Variants in FMN1 observed in about 807,000 individuals in gnomAD.
FMN1 encodes formin 1, also known as formin-1.
A neutral mutation model predicts 132.4 loss-of-function variants in FMN1; 110 were observed. The observed-to-expected ratio is 0.83, with a 90% CI of 0.71 to 0.97. The LOEUF is 0.97. Ranked by LOEUF, FMN1 falls within the 50% of genes least tolerant of loss-of-function variation. The pLI, the probability that FMN1 is intolerant of heterozygous loss-of-function variation, is 0.00. For synonymous variants in FMN1, 722 were observed against 651.7 expected (o/e 1.11, Z -1.64); for missense variants, 1,792 against 1,705.3 (o/e 1.05, Z -0.90).
At chr15:32,947,592 A>C (rs2061536519) in intron 9 of FMN1, among the ~76,000 whole-genome samples, 1 of 152,040 alleles carries the variant, frequency 6.6e-6, no homozygotes, top group Admixed American at 6.6e-5. Context: ...TTGAAACTAG[A>C]AATTTGGGAA....
intron 7 of FMN1, among the ~76,000 whole-genome samples, chr15:32,978,824 C>A (rs563232405): frequency 1.2e-4 from 19 of 152,154 alleles, no homozygotes; most frequent in Non-Finnish European, 2.5e-4. Flanking sequence ...AACCATGATG[C>A]GGATTCCTCA....
intron 9 of FMN1, among the ~76,000 whole-genome samples, chr15:32,957,661 A>G (rs988591635): frequency 4.0e-4 from 61 of 152,322 alleles, no homozygotes; most frequent in Middle Eastern, 3.4e-3. Context: ...AAGATGTTTA[A>G]GAATTTCTTT....
intron 18 of FMN1, among the ~76,000 whole-genome samples, chr15:32,803,835 G>A (rs1173202264): frequency 6.6e-6 from 1 of 152,216 alleles, no homozygotes; most frequent in African/African-American, 2.4e-5. Flanking sequence ...ACACGCATGT[G>A]AGGCAGGTGA....
At chr15:32,965,745 A>T (rs894166607) in intron 8 of FMN1, among the ~76,000 whole-genome samples, 1 of 152,158 alleles carries the variant, frequency 6.6e-6, no homozygotes, top group Non-Finnish European at 1.5e-5. Flanking sequence ...TTATTTTTTA[A>T]ATTATGATTT....
intron 17 of FMN1, among the ~76,000 whole-genome samples, chr15:32,846,007 T>C (rs1037478346): frequency 6.6e-6 from 1 of 150,872 alleles, no homozygotes; most frequent in Admixed American, 6.6e-5. Flanking sequence ...CAAAATCACA[T>C]AGAAAGGTTA....
chr15:33,047,687 G>A (rs1374594490), intron 6 of FMN1, among the ~76,000 whole-genome samples: 1 of 152,306 alleles, frequency 6.6e-6, no homozygotes, highest in East Asian at 1.9e-4. Context: ...TGACTTTGAA[G>A]ACTCCCATGG....
chr15:33,151,310 G>C, intron 4 of FMN1: 1 of 1,536,442 alleles, frequency 6.5e-7, no homozygotes, highest in Non-Finnish European at 8.7e-7. Context: ...TATAAGGTTA[G>C]AAGCACAGGA....
intron 17 of FMN1, among the ~76,000 whole-genome samples, chr15:32,827,845 A>G (rs1210630988): frequency 1.3e-5 from 2 of 151,656 alleles, no homozygotes; most frequent in South Asian, 4.2e-4. Context: ...CTCCGTCTCA[A>G]GAAAAAAAAA....
intron 12 of FMN1, among the ~76,000 whole-genome samples, chr15:32,903,666 A>G (rs1405639968): frequency 1.3e-5 from 2 of 152,216 alleles, no homozygotes; most frequent in Non-Finnish European, 2.9e-5. Flanking sequence ...GGCTCACCAA[A>G]AAGGACTTAG....
At chr15:32,918,373 T>C (rs576087604) in intron 10 of FMN1, among the ~76,000 whole-genome samples, 7 of 152,330 alleles carry the variant, frequency 4.6e-5, no homozygotes, top group African/African-American at 1.7e-4. Flanking sequence ...TGCCTGCTAT[T>C]GTGTCATGTT....
rs147202243 is a variant in FMN1 at position 32,873,373 on chromosome 15, C to T, written c.3835+14799G>A. On this transcript the variant is annotated intron_variant, in intron 16 of 20. Coordinates refer to ENST00000616417, the MANE Select transcript of FMN1 (RefSeq NM_001277313.2). ...GTGGCCAATAGTCTCGCTTGCTGGACGCCGTTAGTGGTATTAACGGGAAGC... is the reference window on the plus strand; with the variant it reads ...GTGGCCAATAGTCTCGCTTGCTGGATGCCGTTAGTGGTATTAACGGGAAGC... Among the ~76,000 whole-genome samples the T allele has an allele frequency of 6.2e-3, 950 of 152,236 alleles. 10 individuals are homozygous for T. The highest frequency in any genetic ancestry group is 0.021 in the African/African-American group (892 of 41,520).
intron 17 of FMN1, among the ~76,000 whole-genome samples, chr15:32,835,163 A>G (rs1389192096): frequency 3.3e-5 from 5 of 152,160 alleles, no homozygotes; most frequent in Non-Finnish European, 7.4e-5. Context: ...AGGGCAGGAC[A>G]CAGGGATGTC....
At chr15:33,116,738 A>G (rs1355677006) in intron 4 of FMN1, among the ~76,000 whole-genome samples, 7 of 145,276 alleles carry the variant, frequency 4.8e-5, no homozygotes, top group Admixed American at 1.4e-4. Context: ...GCGAAAACAA[A>G]TAATACTAGA....
chr15:32,969,067 A>C lies in FMN1; in HGVS notation c.2634T>G (p.Pro878=). The part of the protein sequence containing the change: ...LPPPPASIPP[P]PPLPSGLGSL... ...ATCCAAGTCCTGAGGGGAGGGGCGG[A>C]GGGGGAGGGATGGATGCGGGAGGCG... The change falls in exon 8 of 21, where the codon CCT becomes CCG. Residue 878 remains proline, a synonymous_variant. Transcript: ENST00000616417. 2 of 1,419,078 alleles carry C rather than the reference A, an allele frequency of 1.4e-6. No homozygotes were observed. The highest frequency in any genetic ancestry group is 1.9e-6 in the Non-Finnish European group (2 of 1,053,942). The allele number at this position is 1,419,078 out of a possible 1,614,324, so 87.9% of individuals were successfully genotyped here.
chr15:33,143,405 T>G (rs554276735), intron 4 of FMN1, among the ~76,000 whole-genome samples: 2 of 152,334 alleles, frequency 1.3e-5, no homozygotes, highest in South Asian at 4.1e-4. Context: ...ATTTATTCAT[T>G]CATTCAATAG....
In FMN1 at chr15:32,968,753, T is replaced by C. The variant is rs756445176; in HGVS notation, c.2948A>G (p.Lys983Arg). The C allele has an allele frequency of 2.5e-6, 4 of 1,613,442 alleles. No homozygotes were observed. Among genetic ancestry groups the C allele is most frequent in the Non-Finnish European group, 3.4e-6 (4 of 1,179,748 alleles). The change falls in exon 8 of 21, where the codon AAG becomes AGG. Residue 983 changes from lysine to arginine, a missense_variant. Lys to Arg is a conservative substitution (Grantham distance 26). This residue lies in a region of FMN1 where 1,150 missense variants were observed against 1,043.1 expected (regional missense o/e 1.10). Transcript: ENST00000616417. ...KPAIEPSCPM[K>R]PLYWTRIQIS... Reference sequence around the variant, plus strand: ...TTGTATCCTAGTCCAATATAAAGGCTTCATGGGACAACTGGGCTCGATGGC... The same window carrying C: ...TTGTATCCTAGTCCAATATAAAGGCCTCATGGGACAACTGGGCTCGATGGC...
chr15:32,811,332 G>GT (rs2057869601), intron 17 of FMN1, among the ~76,000 whole-genome samples: 1 of 152,152 alleles, frequency 6.6e-6, no homozygotes, highest in African/African-American at 2.4e-5. Flanking sequence ...AAGTTGAAGA[G>GT]TAGAGGGCCA....
At position 32,769,115 on chromosome 15, in the gene FMN1, A is replaced by C. The variant is rs1024459429; in HGVS notation, c.*5195T>G. ...CTTAATTTGCTTCCCTAATCTCTCC[A>C]TTGGTAGAAATTGCATAGTGGCTTA... On this transcript the variant is annotated 3_prime_UTR_variant, in exon 21 of 21. Transcript: ENST00000616417. 1 of 152,232 alleles carries C rather than the reference A, an allele frequency of 6.6e-6. No individual in the cohort carries two copies. 9.4% of individuals were successfully genotyped at this position (152,232 alleles called of 1,614,324 possible). A position where few individuals can be genotyped will look rare whatever the true frequency, so the allele number is the denominator to read the frequency against.
chr15:32,943,003 C>T (rs939870414), intron 9 of FMN1, among the ~76,000 whole-genome samples: 44 of 152,292 alleles, frequency 2.9e-4, no homozygotes, highest in African/African-American at 9.9e-4. Flanking sequence ...ATTCAAAACT[C>T]AAGAACTCCA....
Sources: gnomAD v4.1 joint callset for allele counts (sites outside exome capture counted in the v4.1 genomes callset) on GRCh38, gnomAD v4.1.1 for gene constraint, gnomAD v4.1.1 regional missense constraint, MANE v1.5 for transcripts, NCBI Gene and HGNC (gene_info 2026-07-23, HGNC 2026-07-21) for gene names.